Variants in FEZ2 observed in about 807,000 individuals in gnomAD.
FEZ2 encodes the protein fasciculation and elongation protein zeta 2.
Under a neutral mutation model 40.4 loss-of-function variants are expected in FEZ2, and 51 were observed. The ratio of observed to expected loss-of-function variants is 1.26; its 90% CI spans 1.01 to 1.59. The LOEUF is 1.59. Ranked by LOEUF, FEZ2 falls within the 40% of genes most tolerant of loss-of-function variation. The probability of loss-of-function intolerance (pLI) is 0.00; values close to 1 mark genes in which losing one functional copy is unlikely to be tolerated. For missense variants in FEZ2, 640 were observed against 438.3 expected, an observed-to-expected ratio of 1.46 and a Z score of -4.11; for synonymous variants, 242 against 172.0, an observed-to-expected ratio of 1.41 and a Z score of -3.18.
In FEZ2 at chr2:36,578,769, G is replaced by T. The variant is rs776143643; in HGVS notation, c.731C>A (p.Ala244Asp). 2 of 1,613,830 alleles carry T rather than the reference G, an allele frequency of 1.2e-6. No individual in the cohort carries two copies. The highest frequency in any genetic ancestry group is 1.3e-5 in the African/African-American group (1 of 74,994). ...EYSEELVQQLALRDELEFEKE... is the reference protein window; with the variant it reads ...EYSEELVQQLDLRDELEFEKE... Reference sequence around the variant, plus strand: ...TTCAAACTCCAGTTCATCTCGTAAAGCCAACTGCTGCACCAGCTCCTCAGA... The same window carrying T: ...TTCAAACTCCAGTTCATCTCGTAAATCCAACTGCTGCACCAGCTCCTCAGA... The change falls in exon 5 of 8, where the codon GCT becomes GAT. Residue 244 changes from alanine to aspartate, a missense_variant. Coordinates refer to ENST00000405912, the MANE Select transcript of FEZ2 (RefSeq NM_005102.3).
chr2:36,563,530 A>AG (rs1275785681), intron 5 of FEZ2, among the ~76,000 whole-genome samples: 1 of 151,894 alleles, frequency 6.6e-6, no homozygotes, highest in Non-Finnish European at 1.5e-5. Context: ...AAAGAAAAAA[A>AG]AAAAAAACTA....
At chr2:36,563,792 C>A (rs1010466129) in intron 5 of FEZ2, among the ~76,000 whole-genome samples, 1 of 152,210 alleles carries the variant, frequency 6.6e-6, no homozygotes, top group Non-Finnish European at 1.5e-5. Flanking sequence ...TTTCAGATCT[C>A]TGAGACATCC....
intron 7 of FEZ2, 70 bp downstream of exon 7, chr2:36,555,613 A>C (rs1667938335): frequency 2.6e-6 from 2 of 768,690 alleles, no homozygotes; most frequent in Non-Finnish European, 4.3e-6. Flanking sequence ...CTAATGTATT[A>C]GCAAGGCGAT....
intron 5 of FEZ2, among the ~76,000 whole-genome samples, chr2:36,574,622 G>A (rs2125231326): frequency 6.6e-6 from 1 of 151,996 alleles, no homozygotes; most frequent in East Asian, 1.9e-4. Flanking sequence ...GACAATGCTT[G>A]GCCATGATTT....
intron 2 of FEZ2, chr2:36,590,678 A>T (rs912617726): frequency 2.2e-6 from 1 of 457,182 alleles, no homozygotes; most frequent in African/African-American, 2.0e-5. Context: ...TTGTGATGGA[A>T]ATTTAGCTAC....
intron 5 of FEZ2, among the ~76,000 whole-genome samples, chr2:36,560,080 G>T (rs1026960611): frequency 4.6e-5 from 7 of 152,094 alleles, no homozygotes; most frequent in African/African-American, 1.7e-4. Context: ...CTTTTTCAAG[G>T]TGAAAATTTC....
chr2:36,590,162 G>A (rs1669024625), intron 2 of FEZ2: 1 of 152,194 alleles, frequency 6.6e-6, no homozygotes, highest in African/African-American at 2.4e-5. Context: ...AGGTAAGTTA[G>A]CCAAGACCGT....
chr2:36,588,659 T>C (rs1668978534), intron 2 of FEZ2, among the ~76,000 whole-genome samples: 1 of 152,122 alleles, frequency 6.6e-6, no homozygotes, highest in African/African-American at 2.4e-5. Flanking sequence ...ACAAGGTAAA[T>C]GGTTTATAGT....
intron 5 of FEZ2, among the ~76,000 whole-genome samples, chr2:36,572,629 T>G (rs1668449908): frequency 2.6e-5 from 4 of 152,204 alleles, no homozygotes. Flanking sequence ...ATAGCTGTGT[T>G]CCAGTAAAAC....
chr2:36,583,465 C>A lies in FEZ2; in HGVS notation c.380G>T (p.Ser127Ile), dbSNP rs946406569. ...LTLNLSEKGV[S>I]DSLLFDTSDD... The stretch of plus-strand genomic sequence containing the variant: ...TGATGTATCAAAGAGCAAACTGTCA[C>A]TTACCTAAAAACAAAAATACCCATC... Residue 127 changes from serine (S) to isoleucine (I), a missense_variant, in exon 3 of 8, where the codon AGT becomes ATT. Physicochemically the swap from Ser to Ile is moderately radical, Grantham distance 142. Transcript: ENST00000405912. 1.3e-6 allele frequency: 2 copies of A among 1,546,928 alleles called. No individual in the cohort carries two copies. Among genetic ancestry groups the A allele is most frequent in the Non-Finnish European group, 1.8e-6 (2 of 1,119,052 alleles).
At chr2:36,558,300 TATAAAA>T (rs1308767485) in intron 6 of FEZ2, 132 bp downstream of exon 6, 19 of 470,590 alleles carry the variant, frequency 4.0e-5, no homozygotes, top group Non-Finnish European at 6.8e-5. Context: ...GCTTCATTCT[TATAAAA>T]ATAAACAATT....
intron 5 of FEZ2, among the ~76,000 whole-genome samples, chr2:36,565,797 C>CG (rs1422756766): frequency 2.0e-5 from 3 of 152,124 alleles, no homozygotes; most frequent in Non-Finnish European, 4.4e-5. Flanking sequence ...ATTCTTGTCA[C>CG]GGGGGTCAGT....
chr2:36,560,648 T>C (rs1245777308), intron 5 of FEZ2: 1 of 517,272 alleles, frequency 1.9e-6, no homozygotes, highest in Non-Finnish European at 3.4e-6. Context: ...ATAAATATAA[T>C]GAACTTTTAT....
At chr2:36,577,698 C>A (rs536438292) in intron 5 of FEZ2, among the ~76,000 whole-genome samples, 3 of 152,348 alleles carry the variant, frequency 2.0e-5, no homozygotes, top group Non-Finnish European at 2.9e-5. Context: ...CATCCTAGAA[C>A]TGTATTTCCA....
intron 6 of FEZ2, chr2:36,556,927 C>T (rs1351832159): frequency 1.3e-5 from 2 of 152,128 alleles, no homozygotes; most frequent in African/African-American, 4.8e-5. Context: ...GAGCTTTGGA[C>T]CCAAATATGT....
At chr2:36,574,750 C>T (rs1053842512) in intron 5 of FEZ2, among the ~76,000 whole-genome samples, 2 of 152,152 alleles carry the variant, frequency 1.3e-5, no homozygotes, top group East Asian at 3.8e-4. Flanking sequence ...ACAGCATGGT[C>T]AGCACAAAGA....
At chr2:36,567,255 C>T (rs1268873302) in intron 5 of FEZ2, among the ~76,000 whole-genome samples, 1 of 149,678 alleles carries the variant, frequency 6.7e-6, no homozygotes, top group Non-Finnish European at 1.5e-5. Flanking sequence ...TGACTTCTTG[C>T]AGGAGAGAAA....
At position 36,581,303 on chromosome 2, in the gene FEZ2, G is replaced by T. The variant is rs762182519; in HGVS notation, c.621C>A (p.Gly207=). 1 of 1,613,734 alleles carries T rather than the reference G, an allele frequency of 6.2e-7. No individual in the cohort carries two copies. The highest frequency in any genetic ancestry group is 8.5e-7 in the Non-Finnish European group (1 of 1,179,686). ...AGGCTCCCTTACTCTCTTCATAACT[G>T]CCGGTACTAGACCTCTTGAGAGTTT... ...EIQTLKRSST[G]SYEERVKRLS... is the part of the protein sequence containing the mutation. Residue 207 remains glycine, a synonymous_variant, in exon 4 of 8, where the codon GGC becomes GGA. Coordinates refer to ENST00000405912, the MANE Select transcript of FEZ2 (RefSeq NM_005102.3).
intron 2 of FEZ2, chr2:36,590,685 C>A: frequency 2.2e-6 from 1 of 464,316 alleles, no homozygotes; most frequent in Non-Finnish European, 3.8e-6. Context: ...GGAAATTTAG[C>A]TACACATAAA....
Sources: allele counts gnomAD v4.1 joint callset (sites outside exome capture counted in the v4.1 genomes callset), GRCh38; gene constraint gnomAD v4.1.1; transcripts MANE v1.5; gene names NCBI Gene and HGNC (gene_info 2026-07-23, HGNC 2026-07-21).